Variants in ADAMTS9 observed in about 807,000 individuals in gnomAD.
The protein encoded by ADAMTS9 is ADAM metallopeptidase with thrombospondin type 1 motif 9.
Under a neutral mutation model 257.1 loss-of-function variants are expected in ADAMTS9, and 107 were observed. The observed-to-expected ratio is 0.42, with a 90% CI of 0.36 to 0.49. The LOEUF (loss-of-function observed/expected upper bound fraction) is 0.49. Among genes scored for constraint, ADAMTS9 ranks in the 20% least tolerant of loss-of-function variants. ADAMTS9 has a pLI of 0.03. For missense variants in ADAMTS9, 2,353 were observed against 2,469.1 expected (o/e 0.95, Z 1.00); for synonymous variants, 982 against 880.9 (o/e 1.11, Z -2.03).
intron 39 of ADAMTS9, chr3:64,521,685 A>G (rs1247312799): frequency 1.3e-5 from 2 of 152,478 alleles, no homozygotes; most frequent in African/African-American, 4.8e-5. Flanking sequence ...GAATTAACAC[A>G]GAAACAAAAA....
chr3:64,649,290 G>A (rs1700872862), intron 10 of ADAMTS9, among the ~76,000 whole-genome samples: 1 of 152,074 alleles, frequency 6.6e-6, no homozygotes, highest in Non-Finnish European at 1.5e-5. Context: ...CAAGTCGAAG[G>A]GCATTAAAGG....
Position 64,615,389 on chromosome 3 carries a change from C to T in ADAMTS9, c.3121G>A (p.Glu1041Lys), listed in dbSNP as rs749233868. The change falls in exon 21 of 40, where the codon GAG becomes AAG. Residue 1041 changes from glutamate to lysine, a missense_variant. Physicochemically the swap from Glu to Lys is moderately conservative, Grantham distance 56 (BLOSUM62 1). Coordinates refer to ENST00000498707, the MANE Select transcript of ADAMTS9 (RefSeq NM_182920.2). ...CTGCACCTCTGAATGGTAACTTTCTCTTGATGTGTGCATTTGCTGTCATCC... is the reference window on the plus strand; with the variant it reads ...CTGCACCTCTGAATGGTAACTTTCTTTTGATGTGTGCATTTGCTGTCATCC... ...VLDDSKCTHQ[E>K]KVTIQRCSEF... 6.2e-7 allele frequency: 1 copy of T among 1,614,082 alleles called. No homozygotes were observed. The highest frequency in any genetic ancestry group is 8.5e-7 in the Non-Finnish European group (1 of 1,179,968).
At chr3:64,652,750 TA>T (rs1184454188) in intron 8 of ADAMTS9, among the ~76,000 whole-genome samples, 1 of 152,190 alleles carries the variant, frequency 6.6e-6, no homozygotes, top group African/African-American at 2.4e-5. Flanking sequence ...CTAAATGCTT[TA>T]GATGCCTTAT....
intron 38 of ADAMTS9, among the ~76,000 whole-genome samples, chr3:64,528,153 C>T (rs761744228): frequency 6.6e-6 from 1 of 152,100 alleles, no homozygotes; most frequent in Non-Finnish European, 1.5e-5. Context: ...ACAAAAAGCC[C>T]CGTAAGCGCC....
At chr3:64,615,560 G>C in intron 20 of ADAMTS9, 75 bp from the exon 21 acceptor site, 1 of 1,431,162 alleles carries the variant, frequency 7.0e-7, no homozygotes, top group African/African-American at 1.4e-5. Flanking sequence ...TGGCTATGTT[G>C]TCTCTTCCAG....
chr3:64,681,142 G>A (rs529145131), intron 3 of ADAMTS9, 59 bp downstream of exon 3: 1 of 1,550,614 alleles, frequency 6.4e-7, no homozygotes, highest in African/African-American at 1.4e-5. Flanking sequence ...CATCTCTGTA[G>A]TATAGCAATT....
At chr3:64,540,100 C>A (rs2083101473) in intron 36 of ADAMTS9, among the ~76,000 whole-genome samples, 1 of 152,192 alleles carries the variant, frequency 6.6e-6, no homozygotes, top group South Asian at 2.1e-4. Context: ...AATCCCAGTG[C>A]TCCATTCTGC....
chr3:64,590,478 A>G (rs996674108), intron 28 of ADAMTS9, among the ~76,000 whole-genome samples: 4 of 152,224 alleles, frequency 2.6e-5, no homozygotes, highest in African/African-American at 9.6e-5. Flanking sequence ...GCTTTATTAT[A>G]TAACACATAG....
Position 64,655,581 on chromosome 3 carries a change from T to C in ADAMTS9, c.1164A>G (p.Leu388=). 1 of 1,612,090 alleles carries C rather than the reference T, an allele frequency of 6.2e-7. No individual in the cohort carries two copies. The highest frequency in any genetic ancestry group is 8.5e-7 in the Non-Finnish European group (1 of 1,178,158). Residue 388 remains leucine (L), a synonymous_variant, in exon 6 of 40, where the codon TTA becomes TTG. Transcript: ENST00000498707. ...GGAATAAGAAATCCATATACCTTGTTAAGAGAACAGCAGTATCATGATGGA... is the reference window on the plus strand; with the variant it reads ...GGAATAAGAAATCCATATACCTTGTCAAGAGAACAGCAGTATCATGATGGA... ...GGIHHDTAVL[L]TRQDICRAHD... is the part of the protein sequence containing the mutation.
intron 9 of ADAMTS9, chr3:64,650,059 G>C (rs1383134008): frequency 1.3e-5 from 4 of 316,474 alleles, no homozygotes; most frequent in Admixed American, 9.9e-5. Flanking sequence ...GTTTATGTTT[G>C]ACTATCTTTC....
intron 18 of ADAMTS9, 111 bp from the exon 19 acceptor site, chr3:64,621,351 C>T (rs1412214214): frequency 7.9e-7 from 1 of 1,260,842 alleles, no homozygotes; most frequent in African/African-American, 1.5e-5. Flanking sequence ...TAAATATCTT[C>T]AGAGCGTATG....
chr3:64,631,704 T>G (rs1700371458), intron 15 of ADAMTS9, 104 bp downstream of exon 15: 16 of 1,233,358 alleles, frequency 1.3e-5, no homozygotes, highest in Non-Finnish European at 1.8e-5. Context: ...ATAACGAGAC[T>G]GATTTTTATG....
rs73122206 is a variant in ADAMTS9, at chr3:64,584,390, C to G, written c.4356+9868G>C. ...GGGGAGGAGGGAGGAGGAGAGAAGG[C>G]TTAGGAAAGAGAAAATCATGGGAAA... On this transcript the variant is annotated intron_variant, in intron 28 of 39. Transcript: ENST00000498707. Among the ~76,000 whole-genome samples the G allele has an allele frequency of 5.2e-3, 787 of 151,966 alleles. 3 individuals are homozygous for G. Among genetic ancestry groups the G allele is most frequent in the South Asian group, 0.017 (84 of 4,810 alleles).
chr3:64,617,451 C>T (rs184080959), intron 19 of ADAMTS9, among the ~76,000 whole-genome samples: 15 of 152,268 alleles, frequency 9.9e-5, no homozygotes, highest in Admixed American at 9.8e-4. Context: ...AAGGGCATAG[C>T]GCAGCCTTAG....
chr3:64,569,944 A>G lies in ADAMTS9; in HGVS notation c.4357-1409T>C, dbSNP rs1239924414. 2.0e-5 allele frequency among the ~76,000 whole-genome samples: 3 copies of G among 152,232 alleles called. No individual in the cohort carries two copies. In the East Asian group the frequency reaches 5.8e-4, roughly 29 times the overall value. On this transcript the variant is annotated intron_variant, in intron 28 of 39. Transcript: ENST00000498707. ...TCATTCAACCTGTAGTGTTTGATCT[A>G]TATAAAGACTTTGCGATATAATTCT...
intron 3 of ADAMTS9, among the ~76,000 whole-genome samples, chr3:64,659,222 C>T (rs964844766): frequency 3.3e-5 from 5 of 152,196 alleles, no homozygotes; most frequent in Admixed American, 2.6e-4. Context: ...AATCCCAGCA[C>T]TTTGGGAGGC....
chr3:64,682,846 CG>C (rs1701792176), intron 2 of ADAMTS9, among the ~76,000 whole-genome samples: 1 of 152,224 alleles, frequency 6.6e-6, no homozygotes, highest in Non-Finnish European at 1.5e-5. Context: ...TAGGCTAAGA[CG>C]TTGGCTCCCC....
intron 32 of ADAMTS9, among the ~76,000 whole-genome samples, chr3:64,544,543 G>A (rs1301642830): frequency 1.3e-5 from 2 of 152,128 alleles, no homozygotes. Flanking sequence ...AATGGTGCTG[G>A]GAAAACTGGC....
At chr3:64,594,686 C>T (rs1460436949) in intron 27 of ADAMTS9, among the ~76,000 whole-genome samples, 2 of 152,152 alleles carry the variant, frequency 1.3e-5, no homozygotes, top group Non-Finnish European at 2.9e-5. Flanking sequence ...ATTATCTAAT[C>T]AAGAGGAGTG....
Sources: gnomAD v4.1 joint callset for allele counts (sites outside exome capture counted in the v4.1 genomes callset) on GRCh38, gnomAD v4.1.1 for gene constraint, MANE v1.5 for transcripts, NCBI Gene and HGNC (gene_info 2026-07-23, HGNC 2026-07-21) for gene names.